CD36: variants seen among roughly 807,000 people sequenced by gnomAD.
CD36 encodes the protein CD36 molecule (CD36 blood group).
CD36 carries 119 observed loss-of-function variants against 55.2 expected under a neutral mutation model. That is an observed-to-expected ratio of 2.15 (90% CI 1.86 to 2.51). CD36 has a LOEUF of 2.51. CD36 is among the 30% of genes most tolerant of loss of function. CD36 has a pLI of 0.00. For synonymous variants in CD36, 186 were observed against 193.6 expected (o/e 0.96, Z 0.33); for missense variants, 819 against 555.5 (o/e 1.47, Z -4.77).
rs1299895805 is a variant in CD36 at position 80,607,981 on chromosome 7, C to T, written c.-184+5602C>T. 2.6e-5 allele frequency among the ~76,000 whole-genome samples: 4 copies of T among 152,040 alleles called. No individual in the cohort carries two copies. In the East Asian group the frequency reaches 5.8e-4, roughly 22 times the overall value. ...GACATGGGGTTTCACTGTGTTAGCC[C>T]GGATGGTCTGCATCTCCTGACCTCG... On this transcript the variant is annotated intron_variant, in intron 1 of 13. Coordinates refer to the CD36 transcript ENST00000309881.
At chr7:80,617,488 A>G (rs1369983680) in intron 1 of CD36, among the ~76,000 whole-genome samples, 2 of 152,090 alleles carry the variant, frequency 1.3e-5, no homozygotes, top group Non-Finnish European at 2.9e-5. Flanking sequence ...GCACTTTGGG[A>G]GCCTGAGGTG....
rs937554203 is a variant in CD36 at position 80,677,032 on chromosome 7, C to A, written c.*649C>A. On this transcript the variant is annotated 3_prime_UTR_variant, in exon 15 of 15. Coordinates refer to ENST00000447544, the MANE Select transcript of CD36 (RefSeq NM_001001548.3). Reference sequence around the variant, plus strand: ...TAAATTCCTGTGCTTTTTCTAGTTCCTCTTGTGTCATAAAATGTTTATCCT... The same window carrying A: ...TAAATTCCTGTGCTTTTTCTAGTTCATCTTGTGTCATAAAATGTTTATCCT... 6.6e-6 allele frequency: 1 copy of A among 152,052 alleles called. No individual in the cohort carries two copies. Among genetic ancestry groups the A allele is most frequent in the Non-Finnish European group, 1.5e-5 (1 of 68,006 alleles). The allele number at this position is 152,052 out of a possible 1,614,324, so 9.4% of individuals were successfully genotyped here. A position where few individuals can be genotyped will look rare whatever the true frequency, so the allele number is the denominator to read the frequency against.
Position 80,659,483 on chromosome 7 carries a change from A to C in CD36, c.282-1580A>C, listed in dbSNP as rs1796356955. Among the ~76,000 whole-genome samples, 5 of 152,330 alleles carry C rather than the reference A, an allele frequency of 3.3e-5. No individual in the cohort carries two copies. The South Asian group carries it at 1.0e-3, about 32-fold the overall frequency. On this transcript the variant is annotated intron_variant, in intron 4 of 14. Transcript: ENST00000447544. ...TTTGAGTTACTTTGCTTTGGAAAGA[A>C]TATAAAAAGTAATCTTGAGAAAAGC...
intron 3 of CD36, 79 bp from the exon 4 acceptor site, chr7:80,656,461 C>A: frequency 7.4e-7 from 1 of 1,349,850 alleles, no homozygotes; most frequent in Non-Finnish European, 1.0e-6. Context: ...TTCTGGCTGA[C>A]TCAAGGCTGC....
intron 1 of CD36, among the ~76,000 whole-genome samples, chr7:80,630,667 C>T (rs1053896195): frequency 2.0e-5 from 3 of 151,918 alleles, no homozygotes; most frequent in Non-Finnish European, 4.4e-5. Context: ...CTGCAGGCTC[C>T]TTTCCTCCTG....
At chr7:80,672,599 T>A (rs953906654) in intron 11 of CD36, among the ~76,000 whole-genome samples, 171 bp from the exon 12 acceptor site, 3 of 151,896 alleles carry the variant, frequency 2.0e-5, no homozygotes, top group Non-Finnish European at 3.0e-5. Flanking sequence ...TGTGTATCTA[T>A]ATGGATGCAT....
intron 8 of CD36, among the ~76,000 whole-genome samples, chr7:80,668,719 A>T (rs941591180): frequency 6.6e-6 from 1 of 152,216 alleles, no homozygotes; most frequent in Non-Finnish European, 1.5e-5. Flanking sequence ...GTCAATGTCC[A>T]TATGGGGGCT....
At chr7:80,673,720 A>AATAAGTCTTT in intron 13 of CD36, 2 of 567,026 alleles carry the variant, frequency 3.5e-6, no homozygotes, top group Non-Finnish European at 6.3e-6. Flanking sequence ...AAAAACATTG[A>AATAAGTCTTT]ATAAGTCTTT....
At chr7:80,655,930 AAAAAG>A (rs984908093) in intron 3 of CD36, among the ~76,000 whole-genome samples, 4 of 150,096 alleles carry the variant, frequency 2.7e-5, no homozygotes, top group African/African-American at 4.9e-5. Flanking sequence ...CAAAAAAAAA[AAAAAG>A]AAAAGAAAAA....
chr7:80,671,227 A>G (rs1797647223), intron 10 of CD36, 63 bp downstream of exon 10: 19 of 1,113,936 alleles, frequency 1.7e-5, no homozygotes, highest in South Asian at 9.2e-5. Context: ...TAAGATGAGA[A>G]CTTTACCATA....
chr7:80,672,159 C>A, intron 11 of CD36, 119 bp downstream of exon 11: 1 of 862,734 alleles, frequency 1.2e-6, no homozygotes, highest in South Asian at 1.6e-5. Context: ...GAATCACATT[C>A]TTGAAAGTTA....
In CD36 at chr7:80,630,767, T is replaced by C. The variant is rs573003937; in HGVS notation, c.-183-15321T>C. On this transcript the variant is annotated intron_variant, in intron 1 of 13. Coordinates refer to the CD36 transcript ENST00000309881. ...ATGATCTTGGATCAAGTCCAGAAAA[T>C]GTTCTTAGTCCTTGGAATACATTAC... Among the ~76,000 whole-genome samples, 210 of 152,024 alleles carry C rather than the reference T, an allele frequency of 1.4e-3. 2 individuals carry two copies. The highest frequency in any genetic ancestry group is 4.9e-3 in the African/African-American group (205 of 41,494).
chr7:80,672,899 T>TTGTAAGAACATGAGTAAATCTA (rs1797850989), intron 12 of CD36, 56 bp downstream of exon 12: 5 of 1,121,116 alleles, frequency 4.5e-6, no homozygotes, highest in Non-Finnish European at 5.4e-6. Context: ...TAGTATCTTC[T>TTGTAAGAACATGAGTAAATCTA]TGTAAGAACA....
In CD36 at chr7:80,663,084, T is replaced by A. The variant is rs146120263; in HGVS notation, c.524T>A (p.Leu175Ter). ...TCTTCTATGTTCCAAGTCAGAACTT[T>A]GAGAGAACTGTTATGGGGCTATAGG... ...SKSSMFQVRT[L>*]RELLWGYRDP... The change falls in exon 6 of 15, where the codon TTG becomes TAG. Residue 175 changes from leucine to a stop codon, truncating the protein, a stop_gained. Transcript: ENST00000447544. LOFTEE classifies it high-confidence loss of function. 2 of 1,613,456 alleles carry A rather than the reference T, an allele frequency of 1.2e-6. No homozygotes were observed. The highest frequency in any genetic ancestry group is 1.7e-6 in the Non-Finnish European group (2 of 1,179,610).
intron 1 of CD36, among the ~76,000 whole-genome samples, chr7:80,610,434 A>G (rs759166603): frequency 2.0e-5 from 3 of 152,178 alleles, no homozygotes; most frequent in Non-Finnish European, 4.4e-5. Context: ...TCTTTTGTAA[A>G]TACAAGAATA....
At position 80,661,115 on chromosome 7, in the gene CD36, G is replaced by T. The variant is rs191233535; in HGVS notation, c.334G>T (p.Val112Phe). The change falls in exon 5 of 15, where the codon GTC (valine) becomes TTC (phenylalanine). Residue 112 changes from valine to phenylalanine, a missense_variant. Val to Phe is a conservative substitution (Grantham distance 50). Coordinates refer to ENST00000447544, the MANE Select transcript of CD36 (RefSeq NM_001001548.3). ...AACCCAGGACGCTGAGGACAACACA[G>T]TCTCTTTCCTGCAGCCCAATGGTGC... is the stretch of plus-strand genomic sequence containing the variant. The part of the protein sequence containing the change: ...NVTQDAEDNT[V>F]SFLQPNGAIF... The T allele has an allele frequency of 1.2e-6, 2 of 1,613,942 alleles. No individual in the cohort carries two copies. The highest frequency in any genetic ancestry group is 2.7e-5 in the African/African-American group (2 of 75,054).
intron 3 of CD36, among the ~76,000 whole-genome samples, chr7:80,652,209 T>C (rs1431697337): frequency 1.3e-5 from 2 of 152,176 alleles, no homozygotes; most frequent in Admixed American, 6.5e-5. Context: ...TTAAAGACAA[T>C]GTTTCAAGAA....
intron 1 of CD36, chr7:80,624,872 T>G (rs1793658620): frequency 6.6e-6 from 1 of 152,076 alleles, no homozygotes; most frequent in Non-Finnish European, 1.5e-5. Flanking sequence ...GACAGAGTGG[T>G]TGACTTCTCA....
chr7:80,656,296 T>G (rs999277645), intron 3 of CD36, among the ~76,000 whole-genome samples: 20 of 152,280 alleles, frequency 1.3e-4, no homozygotes, highest in Admixed American at 9.2e-4. Context: ...TGCCTTAAAA[T>G]CAACAGTCGT....
Sources: gnomAD v4.1 joint callset for allele counts (sites outside exome capture counted in the v4.1 genomes callset) on GRCh38, gnomAD v4.1.1 for gene constraint, MANE v1.5 for transcripts, NCBI Gene and HGNC (gene_info 2026-07-23, HGNC 2026-07-21) for gene names.